KIF26A: variants seen among roughly 807,000 people sequenced by gnomAD.
KIF26A encodes kinesin family member 26A.
In KIF26A, 74 loss-of-function variants were observed where a neutral mutation model predicts 126.0. The ratio of observed to expected loss-of-function variants is 0.59; its 90% confidence interval spans 0.49 to 0.71. KIF26A has a LOEUF of 0.71. Ranked by LOEUF, KIF26A falls within the 30% of genes least tolerant of loss-of-function variation. The pLI is 0.00. For missense variants in KIF26A, 2,984 were observed against 2,763.3 expected (o/e 1.08, Z -1.79); for synonymous variants, 1,445 against 1,232.7 (o/e 1.17, Z -3.61).
chr14:104,176,183 G>A lies in KIF26A; in HGVS notation c.3395G>A (p.Arg1132His), dbSNP rs117428385. The change falls in exon 12 of 15, where the codon CGC becomes CAC. Residue 1132 changes from arginine (R) to histidine (H), a missense_variant. Arg to His is a conservative substitution (Grantham distance 29). Coordinates refer to ENST00000423312, the MANE Select transcript of KIF26A (RefSeq NM_015656.2). ...ADSRDPTPQP[R>H]FSPDSLAGLD... Reference sequence around the variant, plus strand: ...AGCCGTGACCCCACGCCGCAGCCCCGCTTCAGCCCCGACTCGCTGGCAGGG... The same window carrying A: ...AGCCGTGACCCCACGCCGCAGCCCCACTTCAGCCCCGACTCGCTGGCAGGG... 832 of 1,596,974 alleles carry A rather than the reference G, an allele frequency of 5.2e-4. 9 individuals are homozygous for A. The East Asian group carries it at 0.014, about 26-fold the overall frequency.
Position 104,179,837 on chromosome 14 carries a change from C to T in KIF26A, c.*47C>T, listed in dbSNP as rs374776839. 1.7e-3 allele frequency: 2,440 copies of T among 1,449,904 alleles called. 6 individuals are homozygous for T. Among genetic ancestry groups the T allele is most frequent in the Middle Eastern group, 2.0e-3 (9 of 4,554 alleles). The allele number at this position is 1,449,904 out of a possible 1,614,324, so 89.8% of individuals were successfully genotyped here. On this transcript the variant is annotated 3_prime_UTR_variant, in exon 15 of 15. Coordinates refer to ENST00000423312, the MANE Select transcript of KIF26A (RefSeq NM_015656.2). Reference sequence around the variant, plus strand: ...AGGGGGCGTGCAGCGGGCTGGAGGACGGGACGTGGGACGGAGCGAGGATGT... The same window carrying T: ...AGGGGGCGTGCAGCGGGCTGGAGGATGGGACGTGGGACGGAGCGAGGATGT...
chr14:104,175,242 C>G lies in KIF26A; in HGVS notation c.2454C>G (p.Ile818Met), dbSNP rs1319790269. The change falls in exon 12 of 15, where the codon ATC (isoleucine) becomes ATG (methionine). Residue 818 changes from isoleucine to methionine, a missense_variant. Physicochemically the swap from Ile to Met is conservative, Grantham distance 10. Transcript: ENST00000423312. ...NEGPPDFVPI[I>M]PALSRHRPSK... ...GTCCGCCTGACTTCGTGCCCATCATCCCTGCCCTGAGCCGCCACCGGCCCT... is the reference window on the plus strand; with the variant it reads ...GTCCGCCTGACTTCGTGCCCATCATGCCTGCCCTGAGCCGCCACCGGCCCT... 1 of 1,608,740 alleles carries G rather than the reference C, an allele frequency of 6.2e-7. No homozygotes were observed. The highest frequency in any genetic ancestry group is 8.5e-7 in the Non-Finnish European group (1 of 1,179,582).
rs781080492 is a variant in KIF26A, at chr14:104,172,960, G to A, written c.1421-17G>A. The A allele has an allele frequency of 1.5e-5, 24 of 1,573,480 alleles. No individual in the cohort carries two copies. Among genetic ancestry groups the A allele is most frequent in the East Asian group, 2.3e-5 (1 of 44,044 alleles). On this transcript the variant is annotated splice_polypyrimidine_tract_variant and intron_variant, in intron 7 of 14. Coordinates refer to ENST00000423312, the MANE Select transcript of KIF26A (RefSeq NM_015656.2). ...TGCGTGGTGTGTGGTGGGGCCTGAC[G>A]CCTGCGTGGCCCCCAGGCAAGTCGT... is the stretch of plus-strand genomic sequence containing the variant.
intron 5 of KIF26A, among the ~76,000 whole-genome samples, chr14:104,169,678 T>A (rs542752900): frequency 2.2e-4 from 33 of 152,384 alleles, no homozygotes; most frequent in African/African-American, 7.7e-4. Flanking sequence ...CTACTTAAGA[T>A]AATTCATCAC....
At chr14:104,153,284 C>G (rs1202895961) in intron 3 of KIF26A, among the ~76,000 whole-genome samples, 1 of 152,124 alleles carries the variant, frequency 6.6e-6, no homozygotes, top group African/African-American at 2.4e-5. Flanking sequence ...TCTGAGGCTG[C>G]TGGGCTGCCC....
At position 104,179,705 on chromosome 14, in the gene KIF26A, A is replaced by C; in HGVS notation, c.5564A>C (p.Lys1855Thr). The stretch of plus-strand genomic sequence containing the variant: ...CTGGAGCAGTGCGTGAACCTGTGCA[A>C]GGCGCACGTCATGATGGTCACCTGC... Reference protein sequence around the residue: ...AALEQCVNLCKAHVMMVTCFD... With the variant: ...AALEQCVNLCTAHVMMVTCFD... The change falls in exon 15 of 15, where the codon AAG (lysine) becomes ACG (threonine). Residue 1855 changes from lysine to threonine, a missense_variant. Transcript: ENST00000423312. 1.3e-6 allele frequency: 2 copies of C among 1,550,850 alleles called. No individual in the cohort carries two copies. Among genetic ancestry groups the C allele is most frequent in the Non-Finnish European group, 1.7e-6 (2 of 1,147,424 alleles).
intron 2 of KIF26A, among the ~76,000 whole-genome samples, chr14:104,147,353 G>A (rs2037689478): frequency 6.6e-6 from 1 of 152,246 alleles, no homozygotes; most frequent in South Asian, 2.1e-4. Flanking sequence ...CCTGGCACAG[G>A]CCCTTGGGGA....
chr14:104,175,960 G>T lies in KIF26A; in HGVS notation c.3172G>T (p.Asp1058Tyr). The T allele has an allele frequency of 1.3e-6, 2 of 1,570,088 alleles. No homozygotes were observed. The highest frequency in any genetic ancestry group is 1.7e-6 in the Non-Finnish European group (2 of 1,164,448). ...GCGGCCCACCAGCCTGGCTAGCTTC[G>T]ACAGTGACTGCTCCCTGCGGGCCCT... is the stretch of plus-strand genomic sequence containing the variant. The part of the protein sequence containing the change: ...AGRPTSLASF[D>Y]SDCSLRALAS... Residue 1058 changes from aspartate (D) to tyrosine (Y), a missense_variant, in exon 12 of 15, where the codon GAC becomes TAC. Asp to Tyr is a radical substitution (Grantham distance 160). Coordinates refer to ENST00000423312, the MANE Select transcript of KIF26A (RefSeq NM_015656.2).
intron 4 of KIF26A, among the ~76,000 whole-genome samples, chr14:104,165,442 T>C (rs2141107504): frequency 6.8e-6 from 1 of 147,700 alleles, no homozygotes; most frequent in South Asian, 2.1e-4. Flanking sequence ...TCTGTCTCTG[T>C]GTGTGTTTCT....
At chr14:104,165,844 T>C (rs1353227173) in intron 4 of KIF26A, among the ~76,000 whole-genome samples, 1 of 152,068 alleles carries the variant, frequency 6.6e-6, no homozygotes, top group Non-Finnish European at 1.5e-5. Flanking sequence ...TGTTTCTGTG[T>C]GTGTCTGTGT....
chr14:104,176,285 C>G lies in KIF26A; in HGVS notation c.3497C>G (p.Pro1166Arg). 6.3e-7 allele frequency: 1 copy of G among 1,589,458 alleles called. No homozygotes were observed. Among genetic ancestry groups the G allele is most frequent in the Non-Finnish European group, 8.6e-7 (1 of 1,166,038 alleles). ...GSSGFLGPDR[P>R]DSPGPTWGPC... ...TCTGGGTTCCTGGGGCCAGACAGAC[C>G]TGACAGTCCTGGGCCAACCTGGGGT... The change falls in exon 12 of 15, where the codon CCT (proline) becomes CGT (arginine). Residue 1166 changes from proline to arginine, a missense_variant. Physicochemically the swap from Pro to Arg is moderately radical, Grantham distance 103. Transcript: ENST00000423312.
At chr14:104,160,024 C>T (rs2141102421) in intron 4 of KIF26A, among the ~76,000 whole-genome samples, 1 of 152,252 alleles carries the variant, frequency 6.6e-6, no homozygotes, top group Middle Eastern at 3.4e-3. Flanking sequence ...CTCCCACCTC[C>T]ACCCTCGAAG....
Position 104,174,174 on chromosome 14 carries a change from G to T in KIF26A, c.2057G>T (p.Arg686Leu), listed in dbSNP as rs764349709. The change falls in exon 11 of 15, where the codon CGT becomes CTT. Residue 686 changes from arginine to leucine, a missense_variant. Transcript: ENST00000423312. ...YRDHRLTMLL[R>L]ESLATAGCRT... ...GACCACAGGCTCACCATGCTGCTGC[G>T]TGAATCCCTGGCCACCGCTGGCTGC... 1.9e-6 allele frequency: 3 copies of T among 1,589,622 alleles called. No individual in the cohort carries two copies. The highest frequency in any genetic ancestry group is 8.6e-7 in the Non-Finnish European group (1 of 1,167,932).
At position 104,180,543 on chromosome 14, in the gene KIF26A, A is replaced by G. The variant is rs762592633; in HGVS notation, c.*753A>G. The G allele has an allele frequency of 2.0e-5, 3 of 152,580 alleles. No individual in the cohort carries two copies. Among genetic ancestry groups the G allele is most frequent in the African/African-American group, 7.2e-5 (3 of 41,570 alleles). The allele number at this position is 152,580 out of a possible 1,614,324, so 9.5% of individuals were successfully genotyped here. A position where few individuals can be genotyped will look rare whatever the true frequency, so the allele number is the denominator to read the frequency against. On this transcript the variant is annotated 3_prime_UTR_variant, in exon 15 of 15. Transcript: ENST00000423312. ...TTTGTAAAGGTTCTGTTAGGTTCAT[A>G]TTTTTATATCATTTTGCCCATAAAT...
rs1028300999 is a variant in KIF26A at position 104,177,908 on chromosome 14, G to A, written c.5110+10G>A. On this transcript the variant is annotated intron_variant, in intron 12 of 14. Coordinates refer to ENST00000423312, the MANE Select transcript of KIF26A (RefSeq NM_015656.2). The stretch of plus-strand genomic sequence containing the variant: ...AAGAAGAGGGCCACAGGTGGGTGCA[G>A]AGGTGCACAGCCCTCTACAGTTTAC... 8 of 1,509,882 alleles carry A rather than the reference G, an allele frequency of 5.3e-6. No individual in the cohort carries two copies. Among genetic ancestry groups the A allele is most frequent in the African/African-American group, 1.4e-5 (1 of 71,758 alleles). 93.5% of individuals were successfully genotyped at this position (1,509,882 alleles called of 1,614,324 possible). A position where few individuals can be genotyped will look rare whatever the true frequency, so the allele number is the denominator to read the frequency against.
chr14:104,178,983 G>A (rs1054874123), intron 13 of KIF26A, among the ~76,000 whole-genome samples: 16 of 152,176 alleles, frequency 1.1e-4, no homozygotes, highest in African/African-American at 3.6e-4. Flanking sequence ...TGGGTGGCTG[G>A]GGGGTCCTGA....
In KIF26A at chr14:104,177,316, G is replaced by A; in HGVS notation, c.4528G>A (p.Ala1510Thr). The change falls in exon 12 of 15, where the codon GCT (alanine) becomes ACT (threonine). Residue 1510 changes from alanine to threonine, a missense_variant. Physicochemically the swap from Ala to Thr is moderately conservative, Grantham distance 58. Coordinates refer to ENST00000423312, the MANE Select transcript of KIF26A (RefSeq NM_015656.2). ...TGGCCTAGTGGCTGGTGGGTCGCGG[G>A]CTCTGGGGCCTTCGGTGAAGCTGTC... ...GRGLVAGGSR[A>T]LGPSVKLSTA... 6.5e-7 allele frequency: 1 copy of A among 1,537,760 alleles called. No individual in the cohort carries two copies. The highest frequency in any genetic ancestry group is 1.2e-5 in the South Asian group (1 of 81,986).
chr14:104,173,436 A>G lies in KIF26A; in HGVS notation c.1790A>G (p.Asp597Gly). The G allele has an allele frequency of 6.3e-7, 1 of 1,585,190 alleles. No individual in the cohort carries two copies. The highest frequency in any genetic ancestry group is 1.1e-5 in the South Asian group (1 of 87,484). Residue 597 changes from aspartate to glycine, a missense_variant, in exon 9 of 15, where the codon GAC (aspartate) becomes GGC (glycine). Transcript: ENST00000423312. ...ACCAGCCGAGCGGGCTGTGGCGAGGACGCCCGACGCAGCTCCCACATGTTG... is the reference window on the plus strand; with the variant it reads ...ACCAGCCGAGCGGGCTGTGGCGAGGGCGCCCGACGCAGCTCCCACATGTTG... Reference protein sequence around the residue: ...RSTSRAGCGEDARRSSHMLFT... With the variant: ...RSTSRAGCGEGARRSSHMLFT...
At chr14:104,178,985 G>A (rs896195682) in intron 13 of KIF26A, among the ~76,000 whole-genome samples, 6 of 152,196 alleles carry the variant, frequency 3.9e-5, no homozygotes, top group East Asian at 1.9e-4. Flanking sequence ...GGTGGCTGGG[G>A]GGTCCTGAGG....
Sources: allele counts gnomAD v4.1 joint callset (sites outside exome capture counted in the v4.1 genomes callset), GRCh38; gene constraint gnomAD v4.1.1; transcripts MANE v1.5; gene names NCBI Gene and HGNC (gene_info 2026-07-23, HGNC 2026-07-21).